CPED1: variants seen among roughly 807,000 people sequenced by gnomAD.
CPED1 encodes cadherin-like and PC-esterase domain-containing protein 1.
CPED1 carries 114 observed loss-of-function variants against 128.2 expected under a neutral mutation model. The observed-to-expected ratio is 0.89, with a 90% CI of 0.76 to 1.04. CPED1 has a LOEUF of 1.04. Ranked by LOEUF, CPED1 falls within the 50% of genes least tolerant of loss-of-function variation. CPED1 has a pLI of 0.00. For synonymous variants in CPED1, 462 were observed against 426.7 expected, an observed-to-expected ratio of 1.08 and a Z score of -1.02; for missense variants, 1,211 against 1,207.1, an observed-to-expected ratio of 1.00 and a Z score of -0.05.
rs74483598 is a variant in CPED1, at chr7:120,995,811, G to A, written c.249+5941G>A. Among the ~76,000 whole-genome samples the A allele has an allele frequency of 2.2e-3, 338 of 152,202 alleles. 7 individuals are homozygous for A. The East Asian group carries it at 0.048, about 22-fold the overall frequency. ...CCAAATCTGAGGTCTGCCACTGAGCGACATGGCGAGCTCCAAATTAGAAAG... is the reference window on the plus strand; with the variant it reads ...CCAAATCTGAGGTCTGCCACTGAGCAACATGGCGAGCTCCAAATTAGAAAG... On this transcript the variant is annotated intron_variant, in intron 2 of 22. Coordinates refer to ENST00000310396, the MANE Select transcript of CPED1 (RefSeq NM_024913.5).
chr7:121,011,000 C>A (rs149456456), intron 2 of CPED1, among the ~76,000 whole-genome samples: 307 of 152,184 alleles, frequency 2.0e-3, no homozygotes, highest in African/African-American at 7.1e-3. Flanking sequence ...GTATTTTATT[C>A]TTACAGTGCA....
intron 16 of CPED1, among the ~76,000 whole-genome samples, chr7:121,198,335 T>G (rs575336783): frequency 3.3e-5 from 5 of 152,264 alleles, no homozygotes; most frequent in African/African-American, 1.2e-4. Context: ...TTATAGCTTC[T>G]TAGATAAAAG....
At chr7:121,081,911 T>C (rs533377833) in intron 5 of CPED1, among the ~76,000 whole-genome samples, 5 of 152,316 alleles carry the variant, frequency 3.3e-5, no homozygotes, top group Non-Finnish European at 7.4e-5. Context: ...TTCAACCCTC[T>C]ATAGCAGTTA....
At chr7:121,274,535 T>C (rs551693380) in intron 22 of CPED1, among the ~76,000 whole-genome samples, 8 of 152,286 alleles carry the variant, frequency 5.3e-5, no homozygotes, top group African/African-American at 1.7e-4. Context: ...GAAGTTTTAA[T>C]GTTTAAGCTA....
chr7:121,230,366 C>G (rs181606257), intron 16 of CPED1, among the ~76,000 whole-genome samples: 5 of 152,044 alleles, frequency 3.3e-5, no homozygotes, highest in Admixed American at 1.3e-4. Flanking sequence ...GGGGATGGAA[C>G]AGATTTTGGA....
intron 3 of CPED1, among the ~76,000 whole-genome samples, chr7:121,027,757 A>ATAATAATAT (rs71530053): frequency 7.0e-6 from 1 of 143,760 alleles, no homozygotes; most frequent in African/African-American, 2.5e-5. Flanking sequence ...AATAATAATA[A>ATAATAATAT]TAATAATAAT....
At chr7:121,293,310 G>A (rs988587618) in intron 22 of CPED1, among the ~76,000 whole-genome samples, 2 of 152,128 alleles carry the variant, frequency 1.3e-5, no homozygotes, top group Non-Finnish European at 2.9e-5. Context: ...CACTGTGAGG[G>A]GAAAACTGCC....
chr7:121,129,315 A>ATATATATATATATATATATG, intron 11 of CPED1, among the ~76,000 whole-genome samples: 1 of 95,868 alleles, frequency 1.0e-5, no homozygotes, highest in South Asian at 3.4e-4. Flanking sequence ...ATATATACGT[A>ATATATATATATATATATATG]TATATATATA....
chr7:121,082,881 A>C (rs1165759133), intron 5 of CPED1, among the ~76,000 whole-genome samples: 1 of 152,192 alleles, frequency 6.6e-6, no homozygotes, highest in East Asian at 1.9e-4. Flanking sequence ...GAGAAACTGA[A>C]TTTACCTATT....
intron 16 of CPED1, among the ~76,000 whole-genome samples, chr7:121,189,754 G>T (rs1797085901): frequency 1.7e-5 from 1 of 60,024 alleles, no homozygotes; most frequent in Non-Finnish European, 3.3e-5. Flanking sequence ...ACTTTCTTAT[G>T]AGGTTTTATA....
chr7:121,202,453 T>A (rs1237658900), intron 16 of CPED1, among the ~76,000 whole-genome samples: 1 of 152,156 alleles, frequency 6.6e-6, no homozygotes, highest in Non-Finnish European at 1.5e-5. Context: ...GGGAGAGCCA[T>A]GGGCATCTTT....
intron 2 of CPED1, among the ~76,000 whole-genome samples, chr7:121,012,069 A>T (rs1792174356): frequency 6.6e-6 from 1 of 151,986 alleles, no homozygotes; most frequent in African/African-American, 2.4e-5. Flanking sequence ...AGATTAATTA[A>T]TTTAGCTCAG....
Position 121,145,082 on chromosome 7 carries a change from T to G in CPED1, c.2055+2941T>G. Among the ~76,000 whole-genome samples, 7 of 151,956 alleles carry G rather than the reference T, an allele frequency of 4.6e-5. 1 individual carries two copies. Among genetic ancestry groups the G allele is most frequent in the Admixed American group, 4.6e-4 (7 of 15,220 alleles). ...CAAATTTAATTAACTGCATTTAAGA[T>G]TTTTGCAATCTACTGTTTAAAATTA... On this transcript the variant is annotated intron_variant, in intron 16 of 22. Transcript: ENST00000310396.
At chr7:121,060,433 T>C (rs1195770475) in intron 4 of CPED1, among the ~76,000 whole-genome samples, 1 of 152,214 alleles carries the variant, frequency 6.6e-6, no homozygotes. Flanking sequence ...AATCTTCATG[T>C]CTAGCTCAGG....
At chr7:121,108,093 A>G (rs2116253291) in intron 7 of CPED1, among the ~76,000 whole-genome samples, 1 of 152,218 alleles carries the variant, frequency 6.6e-6, no homozygotes, top group African/African-American at 2.4e-5. Context: ...GAGCAAAACA[A>G]TTACTGTATT....
intron 13 of CPED1, among the ~76,000 whole-genome samples, chr7:121,134,524 A>G (rs1795744752): frequency 6.6e-6 from 1 of 152,184 alleles, no homozygotes; most frequent in African/African-American, 2.4e-5. Context: ...CTGTTGTTCT[A>G]TTAAAAAGTG....
chr7:121,266,628 T>C, intron 19 of CPED1, 79 bp from the exon 20 acceptor site: 1 of 1,235,316 alleles, frequency 8.1e-7, no homozygotes, highest in Non-Finnish European at 1.2e-6. Flanking sequence ...CCAGATACAG[T>C]GAAATGTGAG....
chr7:121,284,504 T>C (rs752795402), intron 22 of CPED1, among the ~76,000 whole-genome samples: 1 of 152,106 alleles, frequency 6.6e-6, no homozygotes, highest in African/African-American at 2.4e-5. Context: ...GCAAGTCCCT[T>C]CCACCAATGA....
intron 16 of CPED1, among the ~76,000 whole-genome samples, chr7:121,143,491 T>A (rs188691633): frequency 1.2e-4 from 19 of 152,100 alleles, no homozygotes; most frequent in Admixed American, 4.6e-4. Flanking sequence ...TAAAATATGT[T>A]CCTCTTAGGT....
Sources: allele counts gnomAD v4.1 joint callset (sites outside exome capture counted in the v4.1 genomes callset), GRCh38; gene constraint gnomAD v4.1.1; transcripts MANE v1.5; gene names NCBI Gene and HGNC (gene_info 2026-07-23, HGNC 2026-07-21).